The following DGKD variants were observed in gnomAD, a reference collection of about 807,000 sequenced individuals.
The protein encoded by DGKD is DAG kinase delta.
In DGKD, 68 loss-of-function variants were observed where a neutral mutation model predicts 154.4. The ratio of observed to expected loss-of-function variants is 0.44; its 90% CI spans 0.36 to 0.54. The LOEUF (loss-of-function observed/expected upper bound fraction) is 0.54. Among genes scored for constraint, DGKD ranks in the 20% least tolerant of loss-of-function variants. DGKD has a pLI of 0.00. For synonymous variants in DGKD, 693 were observed against 638.0 expected (o/e 1.09, Z -1.30); for missense variants, 1,343 against 1,593.6 (o/e 0.84, Z 2.68).
Position 233,469,758 on chromosome 2 carries a change from G to A in DGKD, c.*298G>A, listed in dbSNP as rs2063950499. 1 of 357,770 alleles carries A rather than the reference G, an allele frequency of 2.8e-6. No homozygotes were observed. Among genetic ancestry groups the A allele is most frequent in the Non-Finnish European group, 5.2e-6 (1 of 193,606 alleles). 22.2% of individuals were successfully genotyped at this position (357,770 alleles called of 1,614,324 possible). On this transcript the variant is annotated 3_prime_UTR_variant, in exon 30 of 30. Coordinates refer to ENST00000264057, the MANE Select transcript of DGKD (RefSeq NM_152879.3). ...CACTCAGCTCTCGCCCGCCTGTGCT[G>A]TGGGCCAGGGAATCCAGCGGCGTCT...
intron 1 of DGKD, among the ~76,000 whole-genome samples, chr2:233,367,905 T>C (rs1199847830): frequency 6.7e-6 from 1 of 150,312 alleles, no homozygotes; most frequent in Non-Finnish European, 1.5e-5. Context: ...TAAGCCAGTC[T>C]GGTCTTGAAC....
In DGKD at chr2:233,463,626, C is replaced by G. The variant is rs1044956448; in HGVS notation, c.3187-538C>G. 2.7e-5 allele frequency among the ~76,000 whole-genome samples: 4 copies of G among 148,964 alleles called. 1 individual carries two copies. The South Asian group carries it at 6.5e-4, about 24-fold the overall frequency. On this transcript the variant is annotated intron_variant, in intron 26 of 29. Transcript: ENST00000264057. Reference sequence around the variant, plus strand: ...TCCTCACTCCACGCATCTCCTCACTCCACGCATCTCCTCACTCCACGCATG... The same window carrying G: ...TCCTCACTCCACGCATCTCCTCACTGCACGCATCTCCTCACTCCACGCATG...
Position 233,464,129 on chromosome 2 carries a change from C to A in DGKD, c.3187-35C>A, listed in dbSNP as rs775125650. 13 of 1,612,872 alleles carry A rather than the reference C, an allele frequency of 8.1e-6. No individual in the cohort carries two copies. In the Admixed American group the frequency reaches 2.2e-4, roughly 27 times the overall value. ...CTCGCGCTGATCAGCAGTGCACACT[C>A]TCCATTTCTCTCTCCCTCCCTCCGC... On this transcript the variant is annotated intron_variant, in intron 26 of 29. Transcript: ENST00000264057.
At chr2:233,390,814 A>G (rs999262327) in intron 3 of DGKD, among the ~76,000 whole-genome samples, 10 of 152,114 alleles carry the variant, frequency 6.6e-5, no homozygotes, top group Non-Finnish European at 4.4e-5. Context: ...GCTCACAGCA[A>G]CTTCCGCCTC....
chr2:233,380,900 T>C (rs1446626079), intron 1 of DGKD, among the ~76,000 whole-genome samples: 1 of 152,082 alleles, frequency 6.6e-6, no homozygotes, highest in African/African-American at 2.4e-5. Flanking sequence ...CGGTGGAGGC[T>C]TTGGCATAGG....
intron 24 of DGKD, 70 bp from the exon 25 acceptor site, chr2:233,462,278 C>A: frequency 7.7e-7 from 1 of 1,291,376 alleles, no homozygotes; most frequent in South Asian, 1.3e-5. Context: ...GGGCCGTGTT[C>A]AGATGCGTAT....
chr2:233,446,873 C>T (rs1329405129), intron 12 of DGKD, 77 bp downstream of exon 12: 3 of 1,542,132 alleles, frequency 1.9e-6, no homozygotes, highest in Non-Finnish European at 2.7e-6. Flanking sequence ...TTTGCATCAC[C>T]TCCCTTGCAG....
intron 1 of DGKD, chr2:233,385,941 G>A: frequency 2.1e-6 from 1 of 470,876 alleles, no homozygotes; most frequent in South Asian, 1.5e-5. Context: ...AGCTCTCCTT[G>A]GGCAGCCCAA....
intron 3 of DGKD, chr2:233,419,381 G>A: frequency 3.0e-6 from 3 of 985,434 alleles, no homozygotes; most frequent in Non-Finnish European, 3.6e-6. Context: ...TTTGATACAC[G>A]TGGAGCAGCT....
At position 233,388,604 on chromosome 2, in the gene DGKD, A is replaced by G. The variant is rs1230674083; in HGVS notation, c.267+237A>G. The G allele has an allele frequency of 1.5e-4, 55 of 370,950 alleles. 1 individual carries two copies. In the Admixed American group the frequency reaches 2.2e-3, roughly 15 times the overall value. The allele number at this position is 370,950 out of a possible 1,614,324, so 23.0% of individuals were successfully genotyped here. A position where few individuals can be genotyped will look rare whatever the true frequency, so the allele number is the denominator to read the frequency against. ...TCTTTAATGTCATCGGTAATGGGGA[A>G]AAGGAAAAAAGGGTCACAGAGACAG... is the stretch of plus-strand genomic sequence containing the variant. On this transcript the variant is annotated intron_variant, in intron 2 of 29. Transcript: ENST00000264057.
chr2:233,457,016 C>T lies in DGKD; in HGVS notation c.2472+21C>T. ...TGGAGGTGAGTGGGAGGGTCCTTGT[C>T]ACCTGCAGGCTGGCCTCCATCCATC... On this transcript the variant is annotated intron_variant, in intron 20 of 29. Coordinates refer to ENST00000264057, the MANE Select transcript of DGKD (RefSeq NM_152879.3). The surrounding 1 kb of genome is among the most constrained non-coding windows in gnomAD (Gnocchi z 5.5). The T allele has an allele frequency of 1.3e-6, 2 of 1,589,142 alleles. No individual in the cohort carries two copies. The highest frequency in any genetic ancestry group is 1.7e-5 in the Admixed American group (1 of 59,978).
chr2:233,430,792 G>T (rs1217188643), intron 3 of DGKD, among the ~76,000 whole-genome samples: 1 of 152,156 alleles, frequency 6.6e-6, no homozygotes, highest in Non-Finnish European at 1.5e-5. Context: ...TACTTGAGGA[G>T]AACTCTTTTT....
chr2:233,394,444 A>C (rs76247474), intron 3 of DGKD, among the ~76,000 whole-genome samples: 1 of 151,672 alleles, frequency 6.6e-6, no homozygotes, highest in Non-Finnish European at 1.5e-5. Flanking sequence ...AGGTCTCGCT[A>C]TGTTGCTCAG....
rs568728142 is a variant in DGKD, at chr2:233,385,582, A to G, written c.157-2675A>G. Among the ~76,000 whole-genome samples, 40 of 152,230 alleles carry G rather than the reference A, an allele frequency of 2.6e-4. 1 individual carries two copies. In the South Asian group the frequency reaches 4.8e-3, roughly 18 times the overall value. ...CGGTGGCCCGGCATGGCCCGAGCGAACTGTGCAGGGGCCTGGCCCTTTCAC... is the reference window on the plus strand; with the variant it reads ...CGGTGGCCCGGCATGGCCCGAGCGAGCTGTGCAGGGGCCTGGCCCTTTCAC... On this transcript the variant is annotated intron_variant, in intron 1 of 29. Coordinates refer to ENST00000264057, the MANE Select transcript of DGKD (RefSeq NM_152879.3).
At chr2:233,371,149 C>T (rs1702301939) in intron 1 of DGKD, among the ~76,000 whole-genome samples, 1 of 152,138 alleles carries the variant, frequency 6.6e-6, no homozygotes, top group Admixed American at 6.5e-5. Context: ...ACAAAGGCTG[C>T]ACCATTGTAT....
chr2:233,393,893 GCTGGT>G (rs1703815859), intron 3 of DGKD, among the ~76,000 whole-genome samples: 1 of 151,788 alleles, frequency 6.6e-6, no homozygotes, highest in Admixed American at 6.6e-5. Context: ...TGTTGGCTAG[GCTGGT>G]CTCGAACTCC....
rs79233393 is a variant in DGKD at position 233,467,736 on chromosome 2, C to T, written c.3424+533C>T. Among the ~76,000 whole-genome samples, 277 of 152,328 alleles carry T rather than the reference C, an allele frequency of 1.8e-3. 1 individual carries two copies. Among genetic ancestry groups the T allele is most frequent in the African/African-American group, 6.6e-3 (274 of 41,568 alleles). On this transcript the variant is annotated intron_variant, in intron 28 of 29. Transcript: ENST00000264057. ...GTCTGAAGGATCAGCCCTGAATACC[C>T]AGGCCATATCCAGTGCTGTCAGGGG...
intron 3 of DGKD, among the ~76,000 whole-genome samples, chr2:233,405,580 A>T (rs1238565624): frequency 6.6e-6 from 1 of 151,780 alleles, no homozygotes; most frequent in Non-Finnish European, 1.5e-5. Flanking sequence ...TGCTCTGGGG[A>T]TGGATTAATG....
At chr2:233,465,230 T>G (rs1175397517) in intron 27 of DGKD, among the ~76,000 whole-genome samples, 1 of 152,146 alleles carries the variant, frequency 6.6e-6, no homozygotes, top group African/African-American at 2.4e-5. Flanking sequence ...TTAAGAAATT[T>G]TACCCAAAAT....
Sources: allele counts gnomAD v4.1 joint callset (sites outside exome capture counted in the v4.1 genomes callset), GRCh38; gene constraint gnomAD v4.1.1; non-coding constraint Gnocchi (gnomAD v3.1); transcripts MANE v1.5; gene names NCBI Gene and HGNC (gene_info 2026-07-23, HGNC 2026-07-21).